TRIM26: variants seen among roughly 807,000 people sequenced by gnomAD.
The protein encoded by TRIM26 is tripartite motif containing 26.
In TRIM26, 16 loss-of-function variants were observed where a neutral mutation model predicts 45.5. The observed-to-expected ratio is 0.35, with a 90% CI of 0.24 to 0.53. TRIM26 has a LOEUF of 0.53. Ranked by LOEUF, TRIM26 falls within the 20% of genes least tolerant of loss-of-function variation. TRIM26 has a pLI of 0.92. For missense variants in TRIM26, 442 were observed against 691.1 expected (o/e 0.64, Z 4.04); for synonymous variants, 273 against 290.4 (o/e 0.94, Z 0.61).
rs768691670 is a variant in TRIM26 at position 30,186,401 on chromosome 6, C to T, written c.1095G>A (p.Trp365Ter). ...CTTCCACTTCCCAGTAGACCTTGCC[C>T]CAGGTGAAGCCCTTGCTGCCTAGCA... is the stretch of plus-strand genomic sequence containing the variant. The part of the protein sequence containing the change: ...PGVLGSKGFT[W>*]GKVYWEVEVE... The change falls in exon 10 of 10, where the codon TGG becomes TGA. Residue 365 changes from tryptophan (W) to a stop codon, truncating the protein, a stop_gained. Transcript: ENST00000454678. LOFTEE classifies it low-confidence loss of function (END_TRUNC). The surrounding 1 kb of genome is among the most constrained non-coding windows in gnomAD (Gnocchi z 7.4). 9 of 1,611,470 alleles carry T rather than the reference C, an allele frequency of 5.6e-6. No homozygotes were observed. The highest frequency in any genetic ancestry group is 5.9e-6 in the Non-Finnish European group (7 of 1,179,024).
At chr6:30,212,424 T>C (rs1372312213) in intron 1 of TRIM26, among the ~76,000 whole-genome samples, 2 of 152,216 alleles carry the variant, frequency 1.3e-5, no homozygotes, top group Non-Finnish European at 2.9e-5. Flanking sequence ...ATTGGTTAAC[T>C]GCAACAAATG....
chr6:30,191,422 AAGAG>A (rs373302410), intron 6 of TRIM26, among the ~76,000 whole-genome samples: 7 of 137,058 alleles, frequency 5.1e-5, no homozygotes, highest in Admixed American at 1.5e-4. Context: ...AAAAAAAAAA[AAGAG>A]AGAGAGAGAC....
chr6:30,212,347 A>C (rs1426233983), intron 1 of TRIM26, among the ~76,000 whole-genome samples: 1 of 152,226 alleles, frequency 6.6e-6, no homozygotes, highest in Non-Finnish European at 1.5e-5. Flanking sequence ...AAACAGAAAA[A>C]GTACTGAGGT....
intron 6 of TRIM26, among the ~76,000 whole-genome samples, chr6:30,193,182 A>ATATTTT (rs9280916): frequency 1.8e-4 from 7 of 38,816 alleles, no homozygotes; most frequent in African/African-American, 2.4e-4. Context: ...ATATATATAT[A>ATATTTT]TTTTTTTTTT....
rs144525131 is a variant in TRIM26, at chr6:30,189,731, GCT to G, written c.789-200_789-199del. On this transcript the variant is annotated intron_variant, in intron 7 of 9. Coordinates refer to ENST00000454678, the MANE Select transcript of TRIM26 (RefSeq NM_003449.5). The surrounding 1 kb of genome is among the most constrained non-coding windows in gnomAD (Gnocchi z 5.0). ...CATCAGTAGACTCCACATCCAGGGC[GCT>G]CTGTCTACTAAGCCATGTTTCTAAC... The G allele has an allele frequency of 0.015, 9,500 of 634,058 alleles. 114 individuals carry two copies. Among genetic ancestry groups the G allele is most frequent in the Middle Eastern group, 0.024 (55 of 2,340 alleles). 39.3% of individuals were successfully genotyped at this position (634,058 alleles called of 1,614,324 possible). A position where few individuals can be genotyped will look rare whatever the true frequency, so the allele number is the denominator to read the frequency against.
At position 30,199,531 on chromosome 6, in the gene TRIM26, A is replaced by G. The variant is rs145752332; in HGVS notation, c.-161-267T>C. On this transcript the variant is annotated intron_variant, in intron 3 of 9. Coordinates refer to ENST00000454678, the MANE Select transcript of TRIM26 (RefSeq NM_003449.5). Reference sequence around the variant, plus strand: ...ATAATGATACACATATAAATCTACAATGTCTACTGTGGACACAGTGCTCCT... The same window carrying G: ...ATAATGATACACATATAAATCTACAGTGTCTACTGTGGACACAGTGCTCCT... Among the ~76,000 whole-genome samples the G allele has an allele frequency of 6.7e-3, 1,020 of 152,240 alleles. 5 individuals are homozygous for G. The highest frequency in any genetic ancestry group is 0.013 in the African/African-American group (532 of 41,552).
Position 30,196,645 on chromosome 6 carries a change from C to T in TRIM26, c.636G>A (p.Lys212=). 1 of 1,614,210 alleles carries T rather than the reference C, an allele frequency of 6.2e-7. No individual in the cohort carries two copies. Among genetic ancestry groups the T allele is most frequent in the Non-Finnish European group, 8.5e-7 (1 of 1,180,044 alleles). Residue 212 remains lysine, a synonymous_variant, in exon 6 of 10, where the codon AAG becomes AAA. Transcript: ENST00000454678. This position sits in a 1 kb window ranked among gnomAD's most constrained non-coding sequence, Gnocchi z 4.9. ...REEHLLEQLA[K]LEQELTEGRE... is the part of the protein sequence containing the mutation. Reference sequence around the variant, plus strand: ...TGCCCTCCGTGAGCTCCTGCTCCAGCTTCGCCAGCTGTTCCAGCAGGTGTT... The same window carrying T: ...TGCCCTCCGTGAGCTCCTGCTCCAGTTTCGCCAGCTGTTCCAGCAGGTGTT...
intron 6 of TRIM26, among the ~76,000 whole-genome samples, chr6:30,195,853 G>A (rs1776405215): frequency 1.3e-5 from 2 of 152,180 alleles, no homozygotes; most frequent in Admixed American, 6.5e-5. Flanking sequence ...CCTCTTCAGG[G>A]TAAGTGTGAT....
intron 9 of TRIM26, chr6:30,187,307 T>C (rs181593943): frequency 2.3e-4 from 72 of 309,830 alleles, no homozygotes; most frequent in African/African-American, 1.6e-3. Flanking sequence ...AGCAATTTTA[T>C]TGCACAAATT....
Position 30,198,446 on chromosome 6 carries a change from C to A in TRIM26, c.517G>T (p.Asp173Tyr). The change falls in exon 5 of 10, where the codon GAT becomes TAT. Residue 173 changes from aspartate (D) to tyrosine (Y), a missense_variant. Transcript: ENST00000454678. The surrounding 1 kb of genome is among the most constrained non-coding windows in gnomAD (Gnocchi z 6.3). Reference protein sequence around the residue: ...IQGFQAKGEADILAALKKLQD... With the variant: ...IQGFQAKGEAYILAALKKLQD... Reference sequence around the variant, plus strand: ...TCACTTACCAGCGCGGCCAGGATATCAGCTTCTCCCTTTGCCTGGAAGCCC... The same window carrying A: ...TCACTTACCAGCGCGGCCAGGATATAAGCTTCTCCCTTTGCCTGGAAGCCC... 3 of 1,613,118 alleles carry A rather than the reference C, an allele frequency of 1.9e-6. No individual in the cohort carries two copies. The highest frequency in any genetic ancestry group is 2.5e-6 in the Non-Finnish European group (3 of 1,180,054).
At chr6:30,191,583 C>T (rs755523404) in intron 6 of TRIM26, among the ~76,000 whole-genome samples, 1 of 152,032 alleles carries the variant, frequency 6.6e-6, no homozygotes, top group South Asian at 2.1e-4. Context: ...CGGTGGGGTG[C>T]AGGCTGGCTT....
At position 30,189,377 on chromosome 6, in the gene TRIM26, C is replaced by T. The variant is rs193294769; in HGVS notation, c.904+41G>A. ...GGTGCGCTCTTTCTACGAGGTAGCC[C>T]TGCTCTGACTCCCACCCTTTGTGCG... On this transcript the variant is annotated intron_variant, in intron 8 of 9. Coordinates refer to ENST00000454678, the MANE Select transcript of TRIM26 (RefSeq NM_003449.5). This position sits in a 1 kb window ranked among gnomAD's most constrained non-coding sequence, Gnocchi z 5.0. 16,709 of 1,603,686 alleles carry T rather than the reference C, an allele frequency of 0.01. 830 individuals are homozygous for T. The South Asian group carries it at 0.12, about 12-fold the overall frequency.
chr6:30,187,565 G>GCTA (rs1308778941), intron 9 of TRIM26: 21 of 467,180 alleles, frequency 4.5e-5, no homozygotes, highest in Non-Finnish European at 8.3e-5. Flanking sequence ...GGCGGAAGGT[G>GCTA]CTACTCTCTG....
In TRIM26 at chr6:30,196,891, G is replaced by A; in HGVS notation, c.535-145C>T. 1 of 740,856 alleles carries A rather than the reference G, an allele frequency of 1.3e-6. No individual in the cohort carries two copies. Among genetic ancestry groups the A allele is most frequent in the Non-Finnish European group, 2.2e-6 (1 of 455,476 alleles). The allele number at this position is 740,856 out of a possible 1,614,324, so 45.9% of individuals were successfully genotyped here. ...ATCTGGAGTGGGAGGAGCTACAGAG[G>A]GTTCCTGGTCCACACTCCGCTTCTC... On this transcript the variant is annotated intron_variant, in intron 5 of 9. Transcript: ENST00000454678. This position sits in a 1 kb window ranked among gnomAD's most constrained non-coding sequence, Gnocchi z 4.9.
At chr6:30,204,507 T>G (rs934046293) in intron 2 of TRIM26, 149 bp downstream of exon 2, 1 of 152,208 alleles carries the variant, frequency 6.6e-6, no homozygotes, top group South Asian at 2.1e-4. Flanking sequence ...TTCTTAGTGA[T>G]AGAGGATCTC....
chr6:30,192,148 C>T (rs768915645), intron 6 of TRIM26, among the ~76,000 whole-genome samples: 2 of 152,182 alleles, frequency 1.3e-5, no homozygotes, highest in Non-Finnish European at 2.9e-5. Context: ...GGAAGTGATC[C>T]GCCCAAGTCT....
intron 9 of TRIM26, chr6:30,187,412 A>G: frequency 2.2e-6 from 1 of 455,336 alleles, no homozygotes; most frequent in Non-Finnish European, 4.5e-6. Context: ...TAACCTGTCC[A>G]TTTGTTCCTC....
chr6:30,203,045 T>C (rs1777351402), intron 2 of TRIM26, among the ~76,000 whole-genome samples: 1 of 130,590 alleles, frequency 7.7e-6, no homozygotes, highest in East Asian at 2.2e-4. Flanking sequence ...TTCCTCTCTT[T>C]CTTTTTTTTT....
At position 30,196,874 on chromosome 6, in the gene TRIM26, T is replaced by G; in HGVS notation, c.535-128A>C. 1.2e-6 allele frequency: 1 copy of G among 852,058 alleles called. No individual in the cohort carries two copies. 52.8% of individuals were successfully genotyped at this position (852,058 alleles called of 1,614,324 possible). A position where few individuals can be genotyped will look rare whatever the true frequency, so the allele number is the denominator to read the frequency against. ...TTCAGGAATTCTACAGGATCTGGAG[T>G]GGGAGGAGCTACAGAGGGTTCCTGG... On this transcript the variant is annotated intron_variant, in intron 5 of 9. Transcript: ENST00000454678. The surrounding 1 kb of genome is among the most constrained non-coding windows in gnomAD (Gnocchi z 4.9).
Sources: allele counts gnomAD v4.1 joint callset (sites outside exome capture counted in the v4.1 genomes callset), GRCh38; gene constraint gnomAD v4.1.1; non-coding constraint Gnocchi (gnomAD v3.1); transcripts MANE v1.5; gene names NCBI Gene and HGNC (gene_info 2026-07-23, HGNC 2026-07-21).